The following NALF1 variants were observed in gnomAD, a reference collection of about 807,000 sequenced individuals.
The protein encoded by NALF1 is family with sequence similarity 155 member A.
A neutral mutation model predicts 48.4 loss-of-function variants in NALF1; 3 were observed. The observed-to-expected ratio is 0.06, with a 90% CI of 0.03 to 0.16. NALF1 has a LOEUF of 0.16. NALF1 is among the 10% of genes least tolerant of loss of function. The probability of loss-of-function intolerance (pLI) is 1.00; values close to 1 mark genes in which losing one functional copy is unlikely to be tolerated. For missense variants in NALF1, 526 were observed against 571.5 expected (o/e 0.92, Z 0.81); for synonymous variants, 262 against 245.7 (o/e 1.07, Z -0.62).
chr13:107,865,289 C>G (rs1211000968), intron 1 of NALF1, among the ~76,000 whole-genome samples: 1 of 152,160 alleles, frequency 6.6e-6, no homozygotes, highest in African/African-American at 2.4e-5. Flanking sequence ...ATGCCTGTCT[C>G]GAACTCTTCT....
chr13:107,817,370 T>C (rs1200312814), intron 1 of NALF1, among the ~76,000 whole-genome samples: 4 of 152,314 alleles, frequency 2.6e-5, no homozygotes, highest in Non-Finnish European at 4.4e-5. Flanking sequence ...TCTGTAACTT[T>C]TGGTAGACTT....
chr13:107,302,435 A>G (rs1397924688), intron 1 of NALF1, among the ~76,000 whole-genome samples: 1 of 152,162 alleles, frequency 6.6e-6, no homozygotes, highest in Non-Finnish European at 1.5e-5. Flanking sequence ...CCTTCATTTC[A>G]AAATTTTTTT....
intron 1 of NALF1, among the ~76,000 whole-genome samples, chr13:107,227,471 T>C (rs1362048731): frequency 6.6e-6 from 1 of 152,222 alleles, no homozygotes; most frequent in East Asian, 1.9e-4. Context: ...CAAACAGTGA[T>C]TAAGAATGAA....
intron 1 of NALF1, among the ~76,000 whole-genome samples, chr13:107,278,482 T>C (rs1433146759): frequency 6.6e-6 from 1 of 152,236 alleles, no homozygotes; most frequent in African/African-American, 2.4e-5. Context: ...CTGACTGTAT[T>C]ATAGTCCTTA....
At chr13:107,686,165 C>G (rs916062927) in intron 1 of NALF1, among the ~76,000 whole-genome samples, 1 of 152,018 alleles carries the variant, frequency 6.6e-6, no homozygotes, top group Non-Finnish European at 1.5e-5. Context: ...GAAGAACTTT[C>G]CAGAATGGTT....
At chr13:107,412,655 T>C (rs867738211) in intron 1 of NALF1, among the ~76,000 whole-genome samples, 10 of 152,230 alleles carry the variant, frequency 6.6e-5, no homozygotes, top group Non-Finnish European at 1.5e-4. Flanking sequence ...GTCACTGTCA[T>C]ATTATGTTAT....
At chr13:107,679,353 G>C (rs7318345) in intron 1 of NALF1, among the ~76,000 whole-genome samples, 5,169 of 152,084 alleles carry the variant, frequency 0.034, 238 homozygotes, top group East Asian at 0.22. Flanking sequence ...TCCTTATTAA[G>C]CCCTGCTAGG....
chr13:107,301,976 A>C (rs1031041042), intron 1 of NALF1, among the ~76,000 whole-genome samples: 1 of 152,216 alleles, frequency 6.6e-6, no homozygotes, highest in Non-Finnish European at 1.5e-5. Flanking sequence ...GTTGAAACTC[A>C]TTCCCTAATG....
At chr13:107,261,919 G>T (rs1377167481) in intron 1 of NALF1, among the ~76,000 whole-genome samples, 1 of 152,042 alleles carries the variant, frequency 6.6e-6, no homozygotes, top group African/African-American at 2.4e-5. Context: ...ATAAGGACTT[G>T]TCTCTCCCCG....
chr13:107,676,835 T>C (rs1045433808), intron 1 of NALF1, among the ~76,000 whole-genome samples: 1 of 152,092 alleles, frequency 6.6e-6, no homozygotes, highest in Non-Finnish European at 1.5e-5. Flanking sequence ...ACTATTTGAC[T>C]TTAAAAATCA....
intron 1 of NALF1, among the ~76,000 whole-genome samples, chr13:107,673,957 C>T (rs930948232): frequency 2.0e-5 from 3 of 152,004 alleles, no homozygotes; most frequent in Admixed American, 6.6e-5. Flanking sequence ...CACCAAGGGC[C>T]GGCTCCACAT....
intron 1 of NALF1, among the ~76,000 whole-genome samples, chr13:107,519,484 A>G (rs2139094939): frequency 6.6e-6 from 1 of 152,268 alleles, no homozygotes; most frequent in East Asian, 1.9e-4. Flanking sequence ...TCATGCCCCA[A>G]GGATGTCCCA....
intron 1 of NALF1, among the ~76,000 whole-genome samples, chr13:107,844,706 T>C (rs1174626790): frequency 6.6e-6 from 1 of 152,156 alleles, no homozygotes; most frequent in Admixed American, 6.5e-5. Context: ...AATGAAGAGA[T>C]GGATTTGTTT....
intron 1 of NALF1, among the ~76,000 whole-genome samples, chr13:107,224,731 T>G (rs539865473): frequency 6.6e-6 from 1 of 152,118 alleles, no homozygotes; most frequent in East Asian, 1.9e-4. Context: ...TGATAAAGAT[T>G]TATGGCTTAG....
intron 1 of NALF1, among the ~76,000 whole-genome samples, chr13:107,755,582 A>T (rs1877071674): frequency 6.6e-6 from 1 of 150,964 alleles, no homozygotes; most frequent in Non-Finnish European, 1.5e-5. Flanking sequence ...GAGGCCCAGA[A>T]GGCAGGAACT....
At chr13:107,355,152 T>G (rs1238738231) in intron 1 of NALF1, among the ~76,000 whole-genome samples, 2 of 152,140 alleles carry the variant, frequency 1.3e-5, no homozygotes, top group East Asian at 3.9e-4. Flanking sequence ...GGGCAGCAAG[T>G]TACAGTGAGG....
At chr13:107,358,255 C>G (rs900126018) in intron 1 of NALF1, among the ~76,000 whole-genome samples, 3 of 151,884 alleles carry the variant, frequency 2.0e-5, no homozygotes, top group Non-Finnish European at 4.4e-5. Context: ...TCGACTGATT[C>G]TTGGTTTTAT....
intron 1 of NALF1, among the ~76,000 whole-genome samples, chr13:107,693,727 T>C (rs1050145736): frequency 1.3e-4 from 20 of 152,050 alleles, no homozygotes; most frequent in African/African-American, 4.3e-4. Context: ...TTGGACCATA[T>C]GAATCGAATA....
intron 2 of NALF1, among the ~76,000 whole-genome samples, chr13:107,181,524 A>G (rs2769890): frequency 0.023 from 3,384 of 148,054 alleles, 130 homozygotes; most frequent in African/African-American, 0.08. Flanking sequence ...GAGTACTTTT[A>G]TAACTTATTT....
Sources: allele counts gnomAD v4.1 joint callset (sites outside exome capture counted in the v4.1 genomes callset), GRCh38; gene constraint gnomAD v4.1.1; transcripts MANE v1.5; gene names NCBI Gene and HGNC (gene_info 2026-07-23, HGNC 2026-07-21).